Variants in MRPL34 observed in about 807,000 individuals in gnomAD.
MRPL34 encodes mitochondrial ribosomal protein L34.
Under a neutral mutation model 6.7 loss-of-function variants are expected in MRPL34, and 8 were observed. That is an observed-to-expected ratio of 1.20 (90% confidence interval 0.70 to 2.16). MRPL34 has a LOEUF of 2.16. Ranked by LOEUF, MRPL34 falls within the 30% of genes most tolerant of loss-of-function variation. The pLI is 0.00. For synonymous variants in MRPL34, 59 were observed against 55.1 expected (o/e 1.07, Z -0.31); for missense variants, 146 against 125.5 (o/e 1.16, Z -0.78).
Position 17,306,366 on chromosome 19 carries a change from C to A in MRPL34, c.266C>A (p.Ser89Ter), listed in dbSNP as rs1374190113. ...CGCCGAATGCTCAAGGGCCGCAAGT[C>A]GCTGAGCCATTGAGGATCGCGACGC... ...ILRRMLKGRKSLSH is the reference protein window; with the variant it reads ...ILRRMLKGRK Residue 89 changes from serine to a stop codon, truncating the protein, a stop_gained, in exon 2 of 2, where the codon TCG becomes TAG. Coordinates refer to ENST00000252602, the MANE Select transcript of MRPL34 (RefSeq NM_023937.4). LOFTEE classifies it high-confidence loss of function. The A allele has an allele frequency of 1.9e-6, 3 of 1,600,382 alleles. No homozygotes were observed. The highest frequency in any genetic ancestry group is 2.6e-6 in the Non-Finnish European group (3 of 1,175,112).
upstream of MRPL34, among the ~76,000 whole-genome samples, chr19:17,303,750 C>A (rs185530171): frequency 5.9e-5 from 9 of 152,324 alleles, no homozygotes; most frequent in East Asian, 1.5e-3. Context: ...CCCTGTTCCT[C>A]TCCAAACGAG....
chr19:17,304,646 A>C (rs2074137354), upstream of MRPL34, among the ~76,000 whole-genome samples: 1 of 152,086 alleles, frequency 6.6e-6, no homozygotes, highest in African/African-American at 2.4e-5. Flanking sequence ...TTTAGCAAAC[A>C]CCTCTCTGCA....
At chr19:17,305,508 G>A (rs1462714054), upstream of MRPL34, among the ~76,000 whole-genome samples, 1 of 152,162 alleles carries the variant, frequency 6.6e-6, no homozygotes, top group Non-Finnish European at 1.5e-5. Flanking sequence ...CTGGGGGCGG[G>A]AAGACCAACC....
chr19:17,294,735 A>G (rs767889101), intron 1 of MRPL34: 9 of 1,614,154 alleles, frequency 5.6e-6, no homozygotes, highest in Non-Finnish European at 6.8e-6. Flanking sequence ...GGGCATGTTG[A>G]AGATTGAGCA....
At chr19:17,301,392 C>T (rs1198619549), upstream of MRPL34, 2 of 1,611,764 alleles carry the variant, frequency 1.2e-6, no homozygotes, top group Admixed American at 1.7e-5. Flanking sequence ...GACAGCGGAC[C>T]AAGCCGGAGA....
At chr19:17,301,505 C>T (rs759236130), upstream of MRPL34, 1 of 1,611,960 alleles carries the variant, frequency 6.2e-7, no homozygotes, top group Non-Finnish European at 8.5e-7. Flanking sequence ...CCGGGCTTGA[C>T]CTCTACAAAG....
Position 17,306,160 on chromosome 19 carries a change from A to C in MRPL34, c.66-6A>C. 1 of 1,518,910 alleles carries C rather than the reference A, an allele frequency of 6.6e-7. No homozygotes were observed. Among genetic ancestry groups the C allele is most frequent in the East Asian group, 2.5e-5 (1 of 40,672 alleles). 94.1% of individuals were successfully genotyped at this position (1,518,910 alleles called of 1,614,324 possible). A position where few individuals can be genotyped will look rare whatever the true frequency, so the allele number is the denominator to read the frequency against. On this transcript the variant is annotated splice_region_variant and splice_polypyrimidine_tract_variant and intron_variant, in intron 1 of 1. Coordinates refer to ENST00000252602, the MANE Select transcript of MRPL34 (RefSeq NM_023937.4). The stretch of plus-strand genomic sequence containing the variant: ...GACCTTTCTCGCCGTCCCTCTACCC[A>C]CGCAGGTGGCTCCAGCCCCGGGCCT...
upstream of MRPL34, among the ~76,000 whole-genome samples, chr19:17,301,880 C>T (rs1178001760): frequency 2.0e-5 from 3 of 151,960 alleles, no homozygotes; most frequent in African/African-American, 4.8e-5. Flanking sequence ...TGCAACCTCC[C>T]CCTCCTGGGT....
upstream of MRPL34, chr19:17,300,799 T>C: frequency 6.6e-7 from 1 of 1,520,526 alleles, no homozygotes. Flanking sequence ...ATTTTGTGAC[T>C]GTAGTCCCTG....
At position 17,294,601 on chromosome 19, in the gene MRPL34, C is replaced by G. The variant is rs983193074; in HGVS notation, c.214+1747C>G. ...CCCTAGTCCCAGCGGTACAGTCCCC[C>G]CTCCCATCCAACTCGAGCAGATGCC... On this transcript the variant is annotated intron_variant, in intron 1 of 2. Transcript: ENST00000595444. 8.1e-6 allele frequency: 13 copies of G among 1,606,394 alleles called. No homozygotes were observed. In the African/African-American group the frequency reaches 1.6e-4, roughly 20 times the overall value.
chr19:17,299,241 C>CG (rs1057322317), upstream of MRPL34, among the ~76,000 whole-genome samples: 13 of 128,308 alleles, frequency 1.0e-4, no homozygotes, highest in Admixed American at 3.8e-4. Flanking sequence ...GAGACCCCCC[C>CG]CCCATTCTCT....
chr19:17,305,558 C>T (rs929338019), upstream of MRPL34: 1 of 300,882 alleles, frequency 3.3e-6, no homozygotes, highest in Non-Finnish European at 6.4e-6. Context: ...GCCCGGCCAC[C>T]GCGGGGCACC....
chr19:17,294,658 G>A, intron 1 of MRPL34: 1 of 1,612,378 alleles, frequency 6.2e-7, no homozygotes, highest in Non-Finnish European at 8.5e-7. Context: ...CACGGTCTTT[G>A]GGGTGGGGAC....
At chr19:17,292,822 G>A in exon 1 of MRPL34, 1 of 1,612,480 alleles carries the variant, frequency 6.2e-7, no homozygotes, top group East Asian at 2.2e-5. Flanking sequence ...AGGAATGCCA[G>A]GAGCAGGATC....
upstream of MRPL34, among the ~76,000 whole-genome samples, chr19:17,300,147 G>T (rs922582162): frequency 6.7e-6 from 1 of 150,164 alleles, no homozygotes; most frequent in South Asian, 2.1e-4. Context: ...CTCGTGATCC[G>T]CCCGCCTCAG....
chr19:17,303,411 A>G (rs2074131092), upstream of MRPL34: 1 of 152,264 alleles, frequency 6.6e-6, no homozygotes. Flanking sequence ...CGGCCGCCGA[A>G]ACAGCCGGCC....
upstream of MRPL34, among the ~76,000 whole-genome samples, chr19:17,299,239 C>CCG: frequency 6.9e-6 from 1 of 144,342 alleles, no homozygotes; most frequent in African/African-American, 2.5e-5. Context: ...ATGAGACCCC[C>CCG]CCCCCATTCT....
At chr19:17,295,739 CT>C (rs1388261511) in intron 1 of MRPL34, among the ~76,000 whole-genome samples, 1 of 152,102 alleles carries the variant, frequency 6.6e-6, no homozygotes, top group Non-Finnish European at 1.5e-5. Flanking sequence ...CAAGGTTTCG[CT>C]GTCGCCTAGG....
chr19:17,293,175 A>G (rs1327673295), intron 1 of MRPL34, among the ~76,000 whole-genome samples: 1 of 146,252 alleles, frequency 6.8e-6, no homozygotes, highest in Non-Finnish European at 1.5e-5. Flanking sequence ...GGCTCACTCC[A>G]ACCTCTGCCT....
Sources: gnomAD v4.1 joint callset for allele counts (sites outside exome capture counted in the v4.1 genomes callset) on GRCh38, gnomAD v4.1.1 for gene constraint, MANE v1.5 for transcripts, NCBI Gene and HGNC (gene_info 2026-07-23, HGNC 2026-07-21) for gene names.